NEXN: variants seen among roughly 807,000 people sequenced by gnomAD.
The protein encoded by NEXN is nexilin.
In NEXN, 65 loss-of-function variants were observed where a neutral mutation model predicts 92.6. The ratio of observed to expected loss-of-function variants is 0.70; its 90% CI spans 0.57 to 0.86. The LOEUF (loss-of-function observed/expected upper bound fraction) is 0.86. NEXN is among the 40% of genes least tolerant of loss of function. NEXN has a pLI of 0.00. For missense variants in NEXN, 778 were observed against 771.1 expected (o/e 1.01, Z -0.11); for synonymous variants, 254 against 242.5 (o/e 1.05, Z -0.44).
intron 1 of NEXN, among the ~76,000 whole-genome samples, chr1:77,889,866 A>G (rs766020984): frequency 6.6e-6 from 1 of 152,200 alleles, no homozygotes; most frequent in Non-Finnish European, 1.5e-5. Context: ...CAACATAACT[A>G]TGTCTTAGGT....
intron 5 of NEXN, among the ~76,000 whole-genome samples, chr1:77,923,447 C>T (rs1649598528): frequency 6.6e-6 from 1 of 151,972 alleles, no homozygotes; most frequent in Admixed American, 6.6e-5. Flanking sequence ...ACTCTTTAAC[C>T]ACTCTTTCAT....
intron 9 of NEXN, among the ~76,000 whole-genome samples, chr1:77,931,412 C>CAA (rs138490881): frequency 1.4e-4 from 8 of 57,590 alleles, no homozygotes; most frequent in South Asian, 1.2e-3. Context: ...GACTCCGTCT[C>CAA]AAAAAAAAAA....
Position 77,914,685 on chromosome 1 carries a change from C to G in NEXN, c.-52-1370C>G, listed in dbSNP as rs182685260. ...CAGCCTAGCCAACATGGTGAAACCC[C>G]ATCTCTACTAAAAATACAAAAATTA... is the stretch of plus-strand genomic sequence containing the variant. On this transcript the variant is annotated intron_variant, in intron 1 of 12. Coordinates refer to ENST00000334785, the MANE Select transcript of NEXN (RefSeq NM_144573.4). 2.5e-3 allele frequency among the ~76,000 whole-genome samples: 383 copies of G among 151,832 alleles called. 1 individual carries two copies. The highest frequency in any genetic ancestry group is 4.0e-3 in the Non-Finnish European group (274 of 67,930).
intron 11 of NEXN, among the ~76,000 whole-genome samples, chr1:77,937,733 A>G (rs980074635): frequency 3.3e-5 from 5 of 152,134 alleles, no homozygotes; most frequent in Non-Finnish European, 5.9e-5. Flanking sequence ...TTGAATGACT[A>G]CTATGTTCCA....
Position 77,916,047 on chromosome 1 carries a change from T to A in NEXN, c.-52-8T>A. On this transcript the variant is annotated splice_polypyrimidine_tract_variant and splice_region_variant and intron_variant, in intron 1 of 12. Coordinates refer to ENST00000334785, the MANE Select transcript of NEXN (RefSeq NM_144573.4). ...TAAAATTTATTATACAATATAAATTTTTTTCAGGTGCAAATATATACAGAG... is the reference window on the plus strand; with the variant it reads ...TAAAATTTATTATACAATATAAATTATTTTCAGGTGCAAATATATACAGAG... The A allele has an allele frequency of 8.7e-7, 1 of 1,144,706 alleles. No homozygotes were observed. Among genetic ancestry groups the A allele is most frequent in the South Asian group, 2.6e-5 (1 of 38,390 alleles). 70.9% of individuals were successfully genotyped at this position (1,144,706 alleles called of 1,614,324 possible). A position where few individuals can be genotyped will look rare whatever the true frequency, so the allele number is the denominator to read the frequency against.
At chr1:77,936,708 T>C (rs2102158563) in intron 11 of NEXN, among the ~76,000 whole-genome samples, 1 of 152,342 alleles carries the variant, frequency 6.6e-6, no homozygotes. Context: ...TGATTATGAA[T>C]ACTAGTTTAA....
chr1:77,941,565 A>G (rs1278483763), intron 11 of NEXN: 1 of 166,720 alleles, frequency 6.0e-6, no homozygotes, highest in African/African-American at 2.4e-5. Context: ...TCAATACATT[A>G]TTTGGAGGGA....
At chr1:77,926,056 T>A (rs889311935) in intron 6 of NEXN, among the ~76,000 whole-genome samples, 48 of 152,096 alleles carry the variant, frequency 3.2e-4, no homozygotes, top group African/African-American at 1.1e-3. Context: ...TTAAACTGAA[T>A]CTATCCACCA....
At chr1:77,902,715 T>G (rs1280458280) in intron 1 of NEXN, among the ~76,000 whole-genome samples, 1 of 152,048 alleles carries the variant, frequency 6.6e-6, no homozygotes, top group African/African-American at 2.4e-5. Context: ...AATAAAAAAG[T>G]AAACAAAAAA....
At chr1:77,939,900 CCT>C (rs571618403) in intron 11 of NEXN, among the ~76,000 whole-genome samples, 1,669 of 152,244 alleles carry the variant, frequency 0.011, 13 homozygotes, top group Non-Finnish European at 0.019. Context: ...ATGGCGAAAC[CCT>C]GTCTCTACTA....
At chr1:77,915,063 T>C (rs1437974783) in intron 1 of NEXN, among the ~76,000 whole-genome samples, 1 of 151,954 alleles carries the variant, frequency 6.6e-6, no homozygotes, top group Non-Finnish European at 1.5e-5. Context: ...GATGCAATCC[T>C]AGCACTTCTG....
intron 1 of NEXN, among the ~76,000 whole-genome samples, chr1:77,893,796 G>C (rs774193916): frequency 2.6e-5 from 4 of 151,772 alleles, no homozygotes; most frequent in Non-Finnish European, 5.9e-5. Flanking sequence ...AGGATATCAA[G>C]GCAGGTTGAA....
intron 11 of NEXN, among the ~76,000 whole-genome samples, chr1:77,938,401 G>C (rs370465580): frequency 6.6e-6 from 1 of 151,818 alleles, no homozygotes; most frequent in South Asian, 2.1e-4. Context: ...CTGTAATCCC[G>C]GCACTTTGGG....
intron 1 of NEXN, among the ~76,000 whole-genome samples, chr1:77,899,719 G>A (rs987663014): frequency 4.6e-5 from 7 of 151,502 alleles, no homozygotes; most frequent in Admixed American, 1.3e-4. Context: ...ATCAAGACAG[G>A]GACTTTGACT....
intron 6 of NEXN, 114 bp from the exon 7 acceptor site, chr1:77,926,300 T>C (rs889218702): frequency 1.5e-6 from 1 of 681,608 alleles, no homozygotes; most frequent in Non-Finnish European, 2.5e-6. Context: ...AAAAATGTTC[T>C]TCATAATAAC....
In NEXN at chr1:77,915,667, CA is replaced by C. The variant is rs560234857; in HGVS notation, c.-52-382del. On this transcript the variant is annotated intron_variant, in intron 1 of 12. Coordinates refer to ENST00000334785, the MANE Select transcript of NEXN (RefSeq NM_144573.4). Reference sequence around the variant, plus strand: ...AACAAAACAAAACAAAACAAGCAAACAAAAAACTACATAGTTGAAGATTGAT... The same window carrying C: ...AACAAAACAAAACAAAACAAGCAAACAAAAACTACATAGTTGAAGATTGAT... 1.4e-3 allele frequency among the ~76,000 whole-genome samples: 211 copies of C among 152,082 alleles called. 1 individual carries two copies. The highest frequency in any genetic ancestry group is 4.7e-3 in the African/African-American group (197 of 41,532).
intron 8 of NEXN, 119 bp downstream of exon 8, chr1:77,927,011 T>C (rs139346410): frequency 4.6e-6 from 6 of 1,301,052 alleles, no homozygotes; most frequent in African/African-American, 1.5e-5. Context: ...TTTCTAATTG[T>C]ATTCATATTT....
At chr1:77,926,643 C>G in intron 7 of NEXN, 32 bp downstream of exon 7, 2 of 1,613,774 alleles carry the variant, frequency 1.2e-6, no homozygotes, top group Non-Finnish European at 1.7e-6. Flanking sequence ...TTCTAAGAAA[C>G]AAATCAAGGC....
chr1:77,929,334 A>T lies in NEXN; in HGVS notation c.883A>T (p.Asn295Tyr). 1 of 1,613,186 alleles carries T rather than the reference A, an allele frequency of 6.2e-7. No homozygotes were observed. Among genetic ancestry groups the T allele is most frequent in the Non-Finnish European group, 8.5e-7 (1 of 1,179,354 alleles). Residue 295 changes from asparagine (N) to tyrosine (Y), a missense_variant, in exon 9 of 13, where the codon AAC becomes TAC. Asn to Tyr is a moderately radical substitution (Grantham distance 143). Coordinates refer to ENST00000334785, the MANE Select transcript of NEXN (RefSeq NM_144573.4). ...TGGTTAGGTAAATGAAGATGAGGAA[A>T]ACCAAGACACAGCAAAAATTTTTAA... ...RRQMVNEDEENQDTAKIFKGY... is the reference protein window; with the variant it reads ...RRQMVNEDEEYQDTAKIFKGY...
Sources: gnomAD v4.1 joint callset for allele counts (sites outside exome capture counted in the v4.1 genomes callset) on GRCh38, gnomAD v4.1.1 for gene constraint, MANE v1.5 for transcripts, NCBI Gene and HGNC (gene_info 2026-07-23, HGNC 2026-07-21) for gene names.